Variants in FER observed in about 807,000 individuals in gnomAD.
FER encodes tyrosine-protein kinase Fer.
A neutral mutation model predicts 111.0 loss-of-function variants in FER; 63 were observed. The observed-to-expected ratio is 0.57, with a 90% CI of 0.46 to 0.70. FER has a LOEUF of 0.70. Among genes scored for constraint, FER ranks in the 30% least tolerant of loss-of-function variants. The pLI is 0.00. For synonymous variants in FER, 327 were observed against 313.9 expected, an observed-to-expected ratio of 1.04 and a Z score of -0.44; for missense variants, 914 against 954.0, an observed-to-expected ratio of 0.96 and a Z score of 0.55.
chr5:108,973,801 G>C (rs1009240421), intron 13 of FER, among the ~76,000 whole-genome samples: 10 of 152,044 alleles, frequency 6.6e-5, no homozygotes, highest in Non-Finnish European at 1.3e-4. Context: ...CTACTTTCTA[G>C]TAATGCTGTA....
chr5:108,851,605 T>A (rs1762553328), intron 5 of FER, among the ~76,000 whole-genome samples: 1 of 152,226 alleles, frequency 6.6e-6, no homozygotes, highest in African/African-American at 2.4e-5. Flanking sequence ...CATGCCAATT[T>A]TATAATATGT....
At chr5:108,997,135 T>C (rs1414441449) in intron 13 of FER, among the ~76,000 whole-genome samples, 1 of 151,756 alleles carries the variant, frequency 6.6e-6, no homozygotes, top group African/African-American at 2.4e-5. Context: ...CTAAAGTTGC[T>C]TATCAGCTTA....
chr5:108,814,646 G>A (rs1758094827), intron 3 of FER, among the ~76,000 whole-genome samples: 1 of 152,162 alleles, frequency 6.6e-6, no homozygotes, highest in South Asian at 2.1e-4. Flanking sequence ...GTCTGGATCT[G>A]TTTAGTAAAC....
intron 13 of FER, among the ~76,000 whole-genome samples, chr5:108,992,167 A>G (rs936338544): frequency 2.6e-5 from 4 of 152,180 alleles, no homozygotes; most frequent in African/African-American, 4.8e-5. Context: ...GACACAGCAC[A>G]TGTTTCAGAG....
At chr5:108,888,982 G>T (rs549214381) in intron 9 of FER, among the ~76,000 whole-genome samples, 1 of 151,968 alleles carries the variant, frequency 6.6e-6, no homozygotes, top group South Asian at 2.1e-4. Flanking sequence ...GTGTCTCTGA[G>T]TATCTAATTG....
intron 13 of FER, among the ~76,000 whole-genome samples, chr5:109,000,289 A>C (rs1014041864): frequency 1.3e-5 from 2 of 151,998 alleles, no homozygotes; most frequent in African/African-American, 2.4e-5. Flanking sequence ...CACATATTTA[A>C]GCAGACATTA....
At chr5:108,924,360 CAA>C (rs59469649) in intron 10 of FER, among the ~76,000 whole-genome samples, 57 of 99,072 alleles carry the variant, frequency 5.8e-4, no homozygotes, top group South Asian at 1.1e-3. Flanking sequence ...AACTCTGTCT[CAA>C]AAAAAAAAAA....
At chr5:109,029,231 T>C (rs893450358) in intron 13 of FER, among the ~76,000 whole-genome samples, 5 of 149,870 alleles carry the variant, frequency 3.3e-5, no homozygotes, top group Admixed American at 6.6e-5. Flanking sequence ...TTTTTTTTTT[T>C]TTTTTCTTCT....
rs1039567842 is a variant in FER at position 109,193,583 on chromosome 5, T to G, written c.*6008T>G. ...GACAGTGTTGATGCTGGAAGTGGAA[T>G]GTTATGTTTTCGCTCAGCTGTATTC... is the stretch of plus-strand genomic sequence containing the variant. On this transcript the variant is annotated 3_prime_UTR_variant, in exon 20 of 20. Coordinates refer to ENST00000281092, the MANE Select transcript of FER (RefSeq NM_005246.4). The G allele has an allele frequency of 6.6e-6, 1 of 152,122 alleles. No homozygotes were observed. The highest frequency in any genetic ancestry group is 6.6e-5 in the Admixed American group (1 of 15,264). The allele number at this position is 152,122 out of a possible 1,614,324, so 9.4% of individuals were successfully genotyped here.
At chr5:108,857,564 T>A (rs79497360) in intron 5 of FER, among the ~76,000 whole-genome samples, 9 of 152,132 alleles carry the variant, frequency 5.9e-5, no homozygotes, top group Non-Finnish European at 1.2e-4. Context: ...GGTGTTACTC[T>A]TCAGATTTTC....
intron 11 of FER, among the ~76,000 whole-genome samples, chr5:108,949,724 GGTA>G (rs1374690503): frequency 1.3e-5 from 2 of 152,000 alleles, no homozygotes; most frequent in Non-Finnish European, 2.9e-5. Context: ...GCAATGATCT[GGTA>G]GTAGTTTTAG....
chr5:108,932,308 G>A (rs1754800723), intron 10 of FER, among the ~76,000 whole-genome samples: 1 of 152,116 alleles, frequency 6.6e-6, no homozygotes. Flanking sequence ...TGCTGAGAAT[G>A]ATGGTTTCCC....
intron 16 of FER, among the ~76,000 whole-genome samples, chr5:109,092,372 A>T (rs1746919580): frequency 6.6e-6 from 1 of 151,774 alleles, no homozygotes; most frequent in Non-Finnish European, 1.5e-5. Context: ...CATATCTGAT[A>T]AAGGTTTAAT....
chr5:109,131,213 G>T (rs956947892), intron 17 of FER, among the ~76,000 whole-genome samples: 1 of 152,114 alleles, frequency 6.6e-6, no homozygotes, highest in African/African-American at 2.4e-5. Flanking sequence ...AGTAGAAATT[G>T]AAAGACCTCA....
At chr5:109,093,798 G>A (rs539435122) in intron 16 of FER, among the ~76,000 whole-genome samples, 1 of 152,158 alleles carries the variant, frequency 6.6e-6, no homozygotes, top group East Asian at 1.9e-4. Context: ...GTATCAAAAT[G>A]TAGTATTCCA....
chr5:108,980,086 T>C (rs1761856757), intron 13 of FER, among the ~76,000 whole-genome samples: 1 of 152,132 alleles, frequency 6.6e-6, no homozygotes, highest in Admixed American at 6.5e-5. Flanking sequence ...AATCAATTGT[T>C]TCAATGAGGA....
At chr5:108,767,281 T>C (rs1229944146) in intron 1 of FER, among the ~76,000 whole-genome samples, 4 of 152,026 alleles carry the variant, frequency 2.6e-5, no homozygotes, top group Non-Finnish European at 5.9e-5. Context: ...CCAGCTTGGG[T>C]GACAGAGTGA....
chr5:108,987,596 T>A lies in FER; in HGVS notation c.1656+28249T>A, dbSNP rs545706928. Among the ~76,000 whole-genome samples the A allele has an allele frequency of 7.4e-4, 112 of 152,280 alleles. 1 individual carries two copies. Among genetic ancestry groups the A allele is most frequent in the Middle Eastern group, 3.4e-3 (1 of 294 alleles). On this transcript the variant is annotated intron_variant, in intron 13 of 19. Transcript: ENST00000281092. ...GTTCTTAATTTGATTCTCAGCTTGGTTGCTGTTGGTGTGTGGAAGAGCTAC... is the reference window on the plus strand; with the variant it reads ...GTTCTTAATTTGATTCTCAGCTTGGATGCTGTTGGTGTGTGGAAGAGCTAC...
In FER at chr5:109,019,752, C is replaced by G. The variant is rs147567366; in HGVS notation, c.1657-17670C>G. Among the ~76,000 whole-genome samples the G allele has an allele frequency of 7.9e-3, 1,204 of 151,830 alleles. 8 individuals carry two copies. The highest frequency in any genetic ancestry group is 0.028 in the African/African-American group (1,148 of 41,482). On this transcript the variant is annotated intron_variant, in intron 13 of 19. Transcript: ENST00000281092. ...TTCTTCTAGCATTCTTCCCTGCAAT[C>G]CCAGGGAAGAAGTGAGTTACACACC...
Sources: gnomAD v4.1 joint callset for allele counts (sites outside exome capture counted in the v4.1 genomes callset) on GRCh38, gnomAD v4.1.1 for gene constraint, MANE v1.5 for transcripts, NCBI Gene and HGNC (gene_info 2026-07-23, HGNC 2026-07-21) for gene names.